Variants in PLXNC1 observed in about 807,000 individuals in gnomAD.
The protein encoded by PLXNC1 is plexin-C1.
A neutral mutation model predicts 178.2 loss-of-function variants in PLXNC1; 75 were observed. That is an observed-to-expected ratio of 0.42 (90% CI 0.35 to 0.51). The LOEUF is 0.51. Among genes scored for constraint, PLXNC1 ranks in the 20% least tolerant of loss-of-function variants. PLXNC1 has a pLI of 0.02. For missense variants in PLXNC1, 1,503 were observed against 1,984.4 expected, an observed-to-expected ratio of 0.76 and a Z score of 4.61; for synonymous variants, 790 against 779.9, an observed-to-expected ratio of 1.01 and a Z score of -0.22.
rs751161607 is a variant in PLXNC1 at position 94,254,754 on chromosome 12, A to G, written c.2882-33A>G. 4.0e-6 allele frequency: 6 copies of G among 1,498,162 alleles called. No individual in the cohort carries two copies. The Admixed American group carries it at 6.5e-5, about 16-fold the overall frequency. 92.8% of individuals were successfully genotyped at this position (1,498,162 alleles called of 1,614,324 possible). ...TTTCATTTTTGGTTTTTGAGTTACC[A>G]TGTCCCTCTGATGCAGCATCTCTGT... On this transcript the variant is annotated intron_variant, in intron 15 of 30. Coordinates refer to ENST00000258526, the MANE Select transcript of PLXNC1 (RefSeq NM_005761.3).
intron 16 of PLXNC1, 137 bp downstream of exon 16, chr12:94,255,025 C>G: frequency 1.1e-6 from 1 of 911,808 alleles, no homozygotes. Flanking sequence ...AGGGCCTGGG[C>G]CTGGCTTTGT....
chr12:94,209,563 C>T (rs746865424), intron 4 of PLXNC1, 27 bp from the exon 5 acceptor site: 9 of 1,327,872 alleles, frequency 6.8e-6, no homozygotes, highest in East Asian at 2.3e-5. Flanking sequence ...CGTATGGGGT[C>T]GCTGTTTTGT....
intron 1 of PLXNC1, among the ~76,000 whole-genome samples, chr12:94,161,149 G>A (rs1236194578): frequency 6.6e-6 from 1 of 152,078 alleles, no homozygotes; most frequent in African/African-American, 2.4e-5. Flanking sequence ...GGATATCAGT[G>A]GAGCCCCACT....
chr12:94,298,603 T>C, intron 26 of PLXNC1, 29 bp from the exon 27 acceptor site: 1 of 1,551,612 alleles, frequency 6.4e-7, no homozygotes, highest in Non-Finnish European at 8.7e-7. Flanking sequence ...GTTTTTAATC[T>C]CCCAAATCTG....
chr12:94,278,224 T>C (rs192935520), intron 21 of PLXNC1: 105 of 361,524 alleles, frequency 2.9e-4, no homozygotes, highest in African/African-American at 2.1e-3. Context: ...CATTAAATAA[T>C]TGTGCATTTC....
chr12:94,186,634 T>C, intron 4 of PLXNC1, 161 bp downstream of exon 4: 1 of 585,664 alleles, frequency 1.7e-6, no homozygotes, highest in Non-Finnish European at 3.1e-6. Flanking sequence ...TTCTCGAAGG[T>C]GTTTCCAGCG....
intron 1 of PLXNC1, among the ~76,000 whole-genome samples, chr12:94,159,422 C>T (rs1030459007): frequency 1.3e-5 from 2 of 152,122 alleles, no homozygotes; most frequent in African/African-American, 4.8e-5. Context: ...CGAATTGACA[C>T]CAGGAAGATA....
intron 17 of PLXNC1, among the ~76,000 whole-genome samples, chr12:94,258,958 G>A (rs945306093): frequency 1.3e-5 from 2 of 152,194 alleles, no homozygotes. Flanking sequence ...ACTTAACAAC[G>A]TAATTTAGTC....
chr12:94,186,991 A>G (rs1962535856), intron 4 of PLXNC1, among the ~76,000 whole-genome samples: 1 of 152,216 alleles, frequency 6.6e-6, no homozygotes, highest in Non-Finnish European at 1.5e-5. Context: ...CCTGGTCTGG[A>G]ATGACGATGC....
At chr12:94,292,922 TATC>T (rs1302401934) in intron 23 of PLXNC1, among the ~76,000 whole-genome samples, 3 of 152,210 alleles carry the variant, frequency 2.0e-5, no homozygotes, top group African/African-American at 2.4e-5. Context: ...CTGGATGAAT[TATC>T]ATCAAGTGAG....
intron 21 of PLXNC1, among the ~76,000 whole-genome samples, chr12:94,271,637 A>G (rs7970261): frequency 0.075 from 11,355 of 152,308 alleles, 913 homozygotes; most frequent in African/African-American, 0.2. Flanking sequence ...TTCTGTAAAC[A>G]GGCAATGACC....
chr12:94,248,564 A>T, intron 14 of PLXNC1, 152 bp downstream of exon 14: 1 of 648,754 alleles, frequency 1.5e-6, no homozygotes, highest in Non-Finnish European at 2.6e-6. Context: ...AGCCCAAGCA[A>T]AATAGCTCCA....
At chr12:94,251,035 A>C (rs1460468162) in intron 14 of PLXNC1, among the ~76,000 whole-genome samples, 1 of 152,130 alleles carries the variant, frequency 6.6e-6, no homozygotes, top group African/African-American at 2.4e-5. Context: ...ACAAAAACAA[A>C]ATAAGCCTGC....
Position 94,222,795 on chromosome 12 carries a change from C to G in PLXNC1, c.1703-1433C>G, listed in dbSNP as rs529470269. Among the ~76,000 whole-genome samples, 8 of 152,150 alleles carry G rather than the reference C, an allele frequency of 5.3e-5. No homozygotes were observed. The South Asian group carries it at 1.7e-3, about 32-fold the overall frequency. On this transcript the variant is annotated intron_variant, in intron 6 of 30. Transcript: ENST00000258526. ...ACTGGAGTGTATTTTCACTGGGAGT[C>G]CCTCTGAGCTGACTGTCCCTGTGTT...
At position 94,259,323 on chromosome 12, in the gene PLXNC1, C is replaced by T. The variant is rs1851101227; in HGVS notation, c.3088-14C>T. On this transcript the variant is annotated splice_polypyrimidine_tract_variant and intron_variant, in intron 17 of 30. Transcript: ENST00000258526. ...TGGATGTTATGAATAATAAAAGTGT[C>T]TCCTTCCTCTCAGTCAGGTGGCTTC... The T allele has an allele frequency of 1.9e-6, 3 of 1,575,362 alleles. No individual in the cohort carries two copies. The highest frequency in any genetic ancestry group is 2.7e-5 in the African/African-American group (2 of 73,532).
At chr12:94,237,840 T>C in intron 10 of PLXNC1, 37 bp downstream of exon 10, 3 of 1,602,812 alleles carry the variant, frequency 1.9e-6, no homozygotes, top group Non-Finnish European at 2.6e-6. Context: ...CTCGGTAACG[T>C]AACGCTCAAA....
In PLXNC1 at chr12:94,169,166, A is replaced by C; in HGVS notation, c.1076A>C (p.Gln359Pro). Residue 359 changes from glutamine to proline, a missense_variant, in exon 2 of 31, where the codon CAA (glutamine) becomes CCA (proline). This residue lies in a region of PLXNC1 where 615 missense variants were observed against 698.6 expected (regional missense o/e 0.88). Transcript: ENST00000258526. Reference sequence around the variant, plus strand: ...GTGCATGTTCAGAAAGAAGGGGATCAACCTGAAAGAGTCCAACCAATCGCA... The same window carrying C: ...GTGCATGTTCAGAAAGAAGGGGATCCACCTGAAAGAGTCCAACCAATCGCA... ...TAESHCKEGD[Q>P]PERVQPIASS... 1 of 1,613,638 alleles carries C rather than the reference A, an allele frequency of 6.2e-7. No homozygotes were observed. The highest frequency in any genetic ancestry group is 1.3e-5 in the African/African-American group (1 of 75,004).
chr12:94,183,719 C>T (rs1049566137), intron 3 of PLXNC1, among the ~76,000 whole-genome samples: 20 of 152,160 alleles, frequency 1.3e-4, no homozygotes, highest in African/African-American at 4.8e-4. Flanking sequence ...AGGCTGGGAA[C>T]CATTATGAAA....
Position 94,231,710 on chromosome 12 carries a change from C to A in PLXNC1, c.1980+4475C>A, listed in dbSNP as rs75735095. Among the ~76,000 whole-genome samples the A allele has an allele frequency of 8.5e-3, 1,288 of 152,138 alleles. 17 individuals carry two copies. Among genetic ancestry groups the A allele is most frequent in the African/African-American group, 0.029 (1,220 of 41,498 alleles). ...AATGAGCTCAAAAATCTATGTATGA[C>A]CTTGGAGGAGGAGTATTTCAAGCTA... On this transcript the variant is annotated intron_variant, in intron 9 of 30. Coordinates refer to ENST00000258526, the MANE Select transcript of PLXNC1 (RefSeq NM_005761.3).
Sources: allele counts gnomAD v4.1 joint callset (sites outside exome capture counted in the v4.1 genomes callset), GRCh38; gene constraint gnomAD v4.1.1; regional missense constraint gnomAD v4.1.1; transcripts MANE v1.5; gene names NCBI Gene and HGNC (gene_info 2026-07-23, HGNC 2026-07-21).